Variants in MACROH2A2 observed in about 807,000 individuals in gnomAD.
The protein encoded by MACROH2A2 is core histone macro-H2A.2.
A neutral mutation model predicts 37.6 loss-of-function variants in MACROH2A2; 6 were observed. The ratio of observed to expected loss-of-function variants is 0.16; its 90% CI spans 0.09 to 0.32. The LOEUF is 0.32. Ranked by LOEUF, MACROH2A2 falls within the 10% of genes least tolerant of loss-of-function variation. The pLI, the probability that MACROH2A2 is intolerant of heterozygous loss-of-function variation, is 1.00. For synonymous variants in MACROH2A2, 192 were observed against 202.7 expected, an observed-to-expected ratio of 0.95 and a Z score of 0.45; for missense variants, 290 against 485.9, an observed-to-expected ratio of 0.60 and a Z score of 3.79.
At chr10:70,095,231 G>A (rs1379729463) in intron 5 of MACROH2A2, among the ~76,000 whole-genome samples, 2 of 152,150 alleles carry the variant, frequency 1.3e-5, no homozygotes, top group African/African-American at 4.8e-5. Context: ...AGCTGGGCAT[G>A]GTGGCGGGCG....
At chr10:70,088,876 G>T (rs2072227245) in intron 2 of MACROH2A2, among the ~76,000 whole-genome samples, 2 of 152,212 alleles carry the variant, frequency 1.3e-5, no homozygotes, top group South Asian at 4.1e-4. Flanking sequence ...GGCCCAGGCG[G>T]GTGGATCACC....
At position 70,109,076 on chromosome 10, in the gene MACROH2A2, C is replaced by A. The variant is rs751285162; in HGVS notation, c.822C>A (p.Ile274=). 6 of 1,614,172 alleles carry A rather than the reference C, an allele frequency of 3.7e-6. No individual in the cohort carries two copies. Among genetic ancestry groups the A allele is most frequent in the Non-Finnish European group, 8.5e-7 (1 of 1,180,006 alleles). Residue 274 remains isoleucine, a synonymous_variant, in exon 8 of 9, where the codon ATC becomes ATA. Coordinates refer to ENST00000373255, the MANE Select transcript of MACROH2A2 (RefSeq NM_018649.3). ...GTGGACTCGCAGCCAAATTTGTCATCCACTGTCACATCCCTCAGTGGGGCT... is the reference window on the plus strand; with the variant it reads ...GTGGACTCGCAGCCAAATTTGTCATACACTGTCACATCCCTCAGTGGGGCT... ...QSSGLAAKFV[I]HCHIPQWGSD... is the part of the protein sequence containing the mutation.
At chr10:70,094,836 AG>A (rs1356267869) in intron 5 of MACROH2A2, among the ~76,000 whole-genome samples, 1 of 152,194 alleles carries the variant, frequency 6.6e-6, no homozygotes, top group Non-Finnish European at 1.5e-5. Context: ...CCAAAGGGCA[AG>A]GGAGCCAGAC....
At chr10:70,103,925 A>G (rs1028397607) in intron 7 of MACROH2A2, among the ~76,000 whole-genome samples, 1 of 152,260 alleles carries the variant, frequency 6.6e-6, no homozygotes, top group East Asian at 1.9e-4. Flanking sequence ...TCAGACGTGC[A>G]GAAGTTGAGA....
At chr10:70,084,472 A>AGCCC (rs2072198998) in intron 2 of MACROH2A2, among the ~76,000 whole-genome samples, 2 of 152,192 alleles carry the variant, frequency 1.3e-5, no homozygotes, top group East Asian at 1.9e-4. Flanking sequence ...GAATCACTTG[A>AGCCC]ACCCAGGTTA....
At chr10:70,056,785 T>A (rs1475264159) in intron 1 of MACROH2A2, among the ~76,000 whole-genome samples, 2 of 152,204 alleles carry the variant, frequency 1.3e-5, no homozygotes, top group Non-Finnish European at 2.9e-5. Flanking sequence ...TGGCCTGGCC[T>A]ACCCTGCCAA....
intron 3 of MACROH2A2, among the ~76,000 whole-genome samples, chr10:70,090,474 A>G (rs1008273656): frequency 1.3e-5 from 2 of 152,222 alleles, no homozygotes; most frequent in African/African-American, 4.8e-5. Context: ...TTCTTCACCC[A>G]AACTTAGTTG....
intron 4 of MACROH2A2, 119 bp from the exon 5 acceptor site, chr10:70,093,616 A>G (rs2072259036): frequency 3.2e-6 from 2 of 625,514 alleles, no homozygotes; most frequent in East Asian, 5.5e-5. Context: ...AGCAGAACAC[A>G]TCACCTAACC....
Position 70,111,875 on chromosome 10 carries a change from C to T in MACROH2A2, c.*192C>T, listed in dbSNP as rs1041222268. 4 of 411,220 alleles carry T rather than the reference C, an allele frequency of 9.7e-6. No individual in the cohort carries two copies. Among genetic ancestry groups the T allele is most frequent in the Non-Finnish European group, 1.3e-5 (3 of 234,276 alleles). The allele number at this position is 411,220 out of a possible 1,614,324, so 25.5% of individuals were successfully genotyped here. A position where few individuals can be genotyped will look rare whatever the true frequency, so the allele number is the denominator to read the frequency against. On this transcript the variant is annotated 3_prime_UTR_variant, in exon 9 of 9. Coordinates refer to ENST00000373255, the MANE Select transcript of MACROH2A2 (RefSeq NM_018649.3). ...CTCCATCTGTAAGGAAGCAGGTCTC[C>T]GCGAGGGGTTTCTTTCCATGTGTTT...
At chr10:70,073,109 C>T (rs1187505764) in intron 1 of MACROH2A2, among the ~76,000 whole-genome samples, 5 of 152,312 alleles carry the variant, frequency 3.3e-5, no homozygotes, top group South Asian at 4.1e-4. Flanking sequence ...CTTTCTGTTC[C>T]GCAGTCCTGG....
intron 1 of MACROH2A2, among the ~76,000 whole-genome samples, chr10:70,062,116 C>G (rs1242290670): frequency 2.6e-5 from 4 of 152,190 alleles, no homozygotes; most frequent in African/African-American, 7.2e-5. Context: ...AAAATACAGT[C>G]AAACTCTATT....
chr10:70,081,580 C>T (rs143062148), intron 2 of MACROH2A2, among the ~76,000 whole-genome samples: 7 of 152,138 alleles, frequency 4.6e-5, no homozygotes, highest in South Asian at 2.1e-4. Context: ...CTAAGGGTCA[C>T]GCTGATAAAA....
At chr10:70,082,210 G>A (rs1463071220) in intron 2 of MACROH2A2, among the ~76,000 whole-genome samples, 9 of 152,124 alleles carry the variant, frequency 5.9e-5, no homozygotes, top group South Asian at 2.1e-4. Context: ...ACCTGAGATC[G>A]GGAGTTCGAG....
chr10:70,071,027 GT>G (rs2072106926), intron 1 of MACROH2A2, among the ~76,000 whole-genome samples: 1 of 151,610 alleles, frequency 6.6e-6, no homozygotes, highest in African/African-American at 2.4e-5. Context: ...GCGCGTGCAT[GT>G]ATGCGTGTGC....
At chr10:70,092,049 C>T in intron 4 of MACROH2A2, 95 bp downstream of exon 4, 1 of 975,814 alleles carries the variant, frequency 1.0e-6, no homozygotes, top group South Asian at 1.5e-5. Context: ...AACCTAACCC[C>T]AGAGGCATAG....
intron 1 of MACROH2A2, among the ~76,000 whole-genome samples, chr10:70,073,740 A>G (rs1385798907): frequency 6.6e-6 from 1 of 152,106 alleles, no homozygotes. Flanking sequence ...AGAAAATTGA[A>G]ATCTGTTCAC....
At chr10:70,068,236 A>G (rs1221216646) in intron 1 of MACROH2A2, among the ~76,000 whole-genome samples, 1 of 152,104 alleles carries the variant, frequency 6.6e-6, no homozygotes, top group Non-Finnish European at 1.5e-5. Context: ...TATAGGTTTA[A>G]GCTTGTTGGT....
intron 6 of MACROH2A2, among the ~76,000 whole-genome samples, chr10:70,097,015 A>T (rs1435553588): frequency 1.3e-5 from 2 of 152,190 alleles, no homozygotes; most frequent in African/African-American, 2.4e-5. Flanking sequence ...ACATTTCTAT[A>T]GTAATGAAAT....
rs568547958 is a variant in MACROH2A2, at chr10:70,073,816, A to T, written c.-59-1784A>T. Among the ~76,000 whole-genome samples, 22 of 152,242 alleles carry T rather than the reference A, an allele frequency of 1.4e-4. No homozygotes were observed. The East Asian group carries it at 4.2e-3, about 29-fold the overall frequency. The stretch of plus-strand genomic sequence containing the variant: ...TTCATATTAACCAAGCATTCATTTA[A>T]TATCTTCTTCTGTCATATTTAGGGA... On this transcript the variant is annotated intron_variant, in intron 1 of 8. Transcript: ENST00000373255.
Sources: gnomAD v4.1 joint callset for allele counts (sites outside exome capture counted in the v4.1 genomes callset) on GRCh38, gnomAD v4.1.1 for gene constraint, MANE v1.5 for transcripts, NCBI Gene and HGNC (gene_info 2026-07-23, HGNC 2026-07-21) for gene names.